The following JADE2 variants were observed in gnomAD, a reference collection of about 807,000 sequenced individuals.
The protein encoded by JADE2 is E3 ubiquitin-protein ligase Jade-2.
Under a neutral mutation model 85.7 loss-of-function variants are expected in JADE2, and 13 were observed. The observed-to-expected ratio is 0.15, with a 90% CI of 0.10 to 0.24. The LOEUF (loss-of-function observed/expected upper bound fraction) is 0.24, where lower values mean the gene tolerates loss of function less well. Ranked by LOEUF, JADE2 falls within the 10% of genes least tolerant of loss-of-function variation. The pLI, the probability that JADE2 is intolerant of heterozygous loss-of-function variation, is 1.00. For missense variants in JADE2, 846 were observed against 1,115.9 expected, an observed-to-expected ratio of 0.76 and a Z score of 3.45; for synonymous variants, 440 against 456.1, an observed-to-expected ratio of 0.96 and a Z score of 0.45.
Position 134,562,539 on chromosome 5 carries a change from G to A in JADE2, c.852+172G>A, listed in dbSNP as rs561560611. Among the ~76,000 whole-genome samples, 5 of 152,322 alleles carry A rather than the reference G, an allele frequency of 3.3e-5. No homozygotes were observed. The highest frequency in any genetic ancestry group is 2.1e-4 in the South Asian group (1 of 4,830). On this transcript the variant is annotated intron_variant, in intron 7 of 11. Coordinates refer to ENST00000681547, the MANE Select transcript of JADE2 (RefSeq NM_001388185.1). The surrounding 1 kb of genome is among the most constrained non-coding windows in gnomAD (Gnocchi z 4.6). Reference sequence around the variant, plus strand: ...TGTAATCCCAGCATTTTGGGAGGCCGAGGTGGGTGGATCACCTGAGTTCAG... The same window carrying A: ...TGTAATCCCAGCATTTTGGGAGGCCAAGGTGGGTGGATCACCTGAGTTCAG...
intron 3 of JADE2, among the ~76,000 whole-genome samples, chr5:134,544,895 T>C (rs1461568040): frequency 6.6e-6 from 1 of 152,104 alleles, no homozygotes; most frequent in East Asian, 1.9e-4. Context: ...CCTTCTACCC[T>C]GGGTGAAGGG....
At chr5:134,532,626 CT>C (rs902093809) in intron 1 of JADE2, among the ~76,000 whole-genome samples, 2 of 152,180 alleles carry the variant, frequency 1.3e-5, no homozygotes, top group Non-Finnish European at 2.9e-5. Context: ...GCAGACCTTG[CT>C]TTGGGGGAGA....
chr5:134,550,476 G>T (rs11242224), intron 3 of JADE2, among the ~76,000 whole-genome samples: 1 of 152,226 alleles, frequency 6.6e-6, no homozygotes, highest in African/African-American at 2.4e-5. Flanking sequence ...CGGGCACAGC[G>T]GTGGATGCTG....
chr5:134,581,440 GAAC>G lies in JADE2; in HGVS notation c.*2127_*2129del, dbSNP rs1282555986. The G allele has an allele frequency of 2.0e-5, 3 of 152,782 alleles. No homozygotes were observed. Among genetic ancestry groups the G allele is most frequent in the African/African-American group, 7.2e-5 (3 of 41,464 alleles). 9.5% of individuals were successfully genotyped at this position (152,782 alleles called of 1,614,324 possible). A position where few individuals can be genotyped will look rare whatever the true frequency, so the allele number is the denominator to read the frequency against. On this transcript the variant is annotated 3_prime_UTR_variant, in exon 12 of 12. Coordinates refer to ENST00000681547, the MANE Select transcript of JADE2 (RefSeq NM_001388185.1). ...CAGGAAGCAAAGAGGTGAGCTTAAA[GAAC>G]AACCAAACTCTGCCAGGGGTCCCAG...
intron 10 of JADE2, among the ~76,000 whole-genome samples, 190 bp from the exon 11 acceptor site, chr5:134,576,578 T>TC (rs201671790): frequency 0.025 from 3,725 of 151,808 alleles, 147 homozygotes; most frequent in African/African-American, 0.084. Context: ...CCACCCCAAG[T>TC]CCCCCACAGG....
At chr5:134,532,371 C>A (rs149791365) in intron 1 of JADE2, among the ~76,000 whole-genome samples, 1 of 151,842 alleles carries the variant, frequency 6.6e-6, no homozygotes, top group African/African-American at 2.4e-5. Flanking sequence ...TTGGTGGGGC[C>A]GAGGATACAG....
At position 134,578,444 on chromosome 5, in the gene JADE2, G is replaced by A; in HGVS notation, c.1682-50G>A. 1 of 1,403,826 alleles carries A rather than the reference G, an allele frequency of 7.1e-7. No individual in the cohort carries two copies. Among genetic ancestry groups the A allele is most frequent in the Non-Finnish European group, 9.8e-7 (1 of 1,020,046 alleles). 87.0% of individuals were successfully genotyped at this position (1,403,826 alleles called of 1,614,324 possible). A position where few individuals can be genotyped will look rare whatever the true frequency, so the allele number is the denominator to read the frequency against. The stretch of plus-strand genomic sequence containing the variant: ...GGAGCGTCAGTGGGCTTCCTGAAAG[G>A]GTGGGACACACGTCTGCTGGCGTCT... On this transcript the variant is annotated intron_variant, in intron 11 of 11. Coordinates refer to ENST00000681547, the MANE Select transcript of JADE2 (RefSeq NM_001388185.1). This position sits in a 1 kb window ranked among gnomAD's most constrained non-coding sequence, Gnocchi z 4.4.
At chr5:134,555,542 T>C (rs959702726) in intron 4 of JADE2, among the ~76,000 whole-genome samples, 2 of 152,158 alleles carry the variant, frequency 1.3e-5, no homozygotes, top group Non-Finnish European at 2.9e-5. Context: ...TACCTTCTGA[T>C]TGTGAGTCCC....
chr5:134,559,681 G>A lies in JADE2; in HGVS notation c.312-149G>A, dbSNP rs1581450211. 3 of 697,232 alleles carry A rather than the reference G, an allele frequency of 4.3e-6. No individual in the cohort carries two copies. In the East Asian group the frequency reaches 8.5e-5, roughly 20 times the overall value. 43.2% of individuals were successfully genotyped at this position (697,232 alleles called of 1,614,324 possible). A position where few individuals can be genotyped will look rare whatever the true frequency, so the allele number is the denominator to read the frequency against. ...GTGGGCAGATGGTGGAGGAGGAAGT[G>A]AAGGAGGGGGTGGAAGGAGGTGGGC... is the stretch of plus-strand genomic sequence containing the variant. On this transcript the variant is annotated intron_variant, in intron 4 of 11. Transcript: ENST00000681547.
Position 134,562,315 on chromosome 5 carries a change from C to A in JADE2, c.800C>A (p.Thr267Asn). 6.2e-7 allele frequency: 1 copy of A among 1,614,118 alleles called. No individual in the cohort carries two copies. Among genetic ancestry groups the A allele is most frequent in the Non-Finnish European group, 8.5e-7 (1 of 1,179,988 alleles). Residue 267 changes from threonine (T) to asparagine (N), a missense_variant, in exon 7 of 12, where the codon ACT becomes AAT. By Grantham distance (65) the Thr-to-Asn change is moderately conservative. Transcript: ENST00000681547. The surrounding 1 kb of genome is among the most constrained non-coding windows in gnomAD (Gnocchi z 4.6). ...AAGCGAGGAGGAGCCTTGAAGCCCA[C>A]TAGAAGTGGGACCAAGTGGGTGCAT... is the stretch of plus-strand genomic sequence containing the variant. ...CPKRGGALKP[T>N]RSGTKWVHVS...
At chr5:134,568,363 C>A (rs1763777739) in intron 9 of JADE2, among the ~76,000 whole-genome samples, 1 of 152,194 alleles carries the variant, frequency 6.6e-6, no homozygotes. Flanking sequence ...ATTCTCTATT[C>A]TGTAAATTTC....
chr5:134,525,860 C>T lies in JADE2; in HGVS notation c.-152C>T, dbSNP rs1049437655. The T allele has an allele frequency of 1.7e-4, 165 of 989,620 alleles. No homozygotes were observed. Among genetic ancestry groups the T allele is most frequent in the Non-Finnish European group, 1.9e-4 (162 of 832,192 alleles). 61.3% of individuals were successfully genotyped at this position (989,620 alleles called of 1,614,324 possible). A position where few individuals can be genotyped will look rare whatever the true frequency, so the allele number is the denominator to read the frequency against. The stretch of plus-strand genomic sequence containing the variant: ...CCTGGGACGCCGCGGGCCCGGCCGC[C>T]TCCCTCGCCGCGACCCCGGATGGAT... On this transcript the variant is annotated 5_prime_UTR_variant, in exon 1 of 12. Coordinates refer to ENST00000681547, the MANE Select transcript of JADE2 (RefSeq NM_001388185.1).
intron 1 of JADE2, chr5:134,526,550 G>A: frequency 1.0e-6 from 1 of 985,388 alleles, no homozygotes; most frequent in Non-Finnish European, 1.2e-6. Flanking sequence ...ACCGGGCTGA[G>A]CCGGTGCACA....
intron 1 of JADE2, among the ~76,000 whole-genome samples, chr5:134,531,576 T>A (rs1353777170): frequency 1.3e-5 from 2 of 151,186 alleles, no homozygotes; most frequent in African/African-American, 4.8e-5. Flanking sequence ...CATGTCCAGC[T>A]TCTGATTTAT....
intron 3 of JADE2, among the ~76,000 whole-genome samples, chr5:134,547,541 T>A (rs1460790134): frequency 6.6e-6 from 1 of 152,256 alleles, no homozygotes; most frequent in East Asian, 1.9e-4. Context: ...CTTTATTTAG[T>A]TTTCATAAAT....
At position 134,566,711 on chromosome 5, in the gene JADE2, C is replaced by A; in HGVS notation, c.1434+131C>A. ...TGTGAGCTCTGGTGGACCGGCCCTGCTGCAGGAGCCTGCCAAGGGGCTGAG... is the reference window on the plus strand; with the variant it reads ...TGTGAGCTCTGGTGGACCGGCCCTGATGCAGGAGCCTGCCAAGGGGCTGAG... On this transcript the variant is annotated intron_variant, in intron 9 of 11. Transcript: ENST00000681547. This position sits in a 1 kb window ranked among gnomAD's most constrained non-coding sequence, Gnocchi z 6.7. 2.9e-6 allele frequency: 2 copies of A among 695,714 alleles called. No homozygotes were observed. The highest frequency in any genetic ancestry group is 4.7e-6 in the Non-Finnish European group (2 of 423,674). The allele number at this position is 695,714 out of a possible 1,614,324, so 43.1% of individuals were successfully genotyped here.
chr5:134,582,062 GCTC>G lies in JADE2; in HGVS notation c.*2750_*2752del, dbSNP rs1176304752. 2 of 152,208 alleles carry G rather than the reference GCTC, an allele frequency of 1.3e-5. No individual in the cohort carries two copies. The highest frequency in any genetic ancestry group is 1.3e-4 in the Admixed American group (2 of 15,272). 9.4% of individuals were successfully genotyped at this position (152,208 alleles called of 1,614,324 possible). A position where few individuals can be genotyped will look rare whatever the true frequency, so the allele number is the denominator to read the frequency against. Reference sequence around the variant, plus strand: ...TCAACCACATCTGCCTCCACACACAGCTCCTCCGCAGGGAAGGAGAAGCTGCTC... The same window carrying G: ...TCAACCACATCTGCCTCCACACACAGCTCCGCAGGGAAGGAGAAGCTGCTC... On this transcript the variant is annotated 3_prime_UTR_variant, in exon 12 of 12. Coordinates refer to ENST00000681547, the MANE Select transcript of JADE2 (RefSeq NM_001388185.1).
chr5:134,543,771 C>T (rs989429598), intron 3 of JADE2, among the ~76,000 whole-genome samples: 13 of 152,174 alleles, frequency 8.5e-5, no homozygotes, highest in Non-Finnish European at 5.9e-5. Flanking sequence ...TGGTTGTTCC[C>T]TGGAAGCTTC....
At chr5:134,570,495 G>A (rs957005568) in intron 9 of JADE2, among the ~76,000 whole-genome samples, 4 of 151,884 alleles carry the variant, frequency 2.6e-5, no homozygotes, top group Non-Finnish European at 5.9e-5. Flanking sequence ...GGGTTCCTCC[G>A]CTCCCACCCC....
Sources: allele counts gnomAD v4.1 joint callset (sites outside exome capture counted in the v4.1 genomes callset), GRCh38; gene constraint gnomAD v4.1.1; non-coding constraint Gnocchi (gnomAD v3.1); transcripts MANE v1.5; gene names NCBI Gene and HGNC (gene_info 2026-07-23, HGNC 2026-07-21).